Variants in GBF1 observed in about 807,000 individuals in gnomAD.
GBF1 encodes Golgi-specific brefeldin A-resistance guanine nucleotide exchange factor 1.
A neutral mutation model predicts 210.5 loss-of-function variants in GBF1; 114 were observed. That is an observed-to-expected ratio of 0.54 (90% CI 0.47 to 0.63). The LOEUF (loss-of-function observed/expected upper bound fraction) is 0.63. Among genes scored for constraint, GBF1 ranks in the 30% least tolerant of loss-of-function variants. GBF1 has a pLI of 0.00. For missense variants in GBF1, 1,851 were observed against 2,357.7 expected, an observed-to-expected ratio of 0.79 and a Z score of 4.45; for synonymous variants, 850 against 889.2, an observed-to-expected ratio of 0.96 and a Z score of 0.78.
In GBF1 at chr10:102,247,586, A is replaced by G. The variant is rs546153126; in HGVS notation, c.-11+1805A>G. On this transcript the variant is annotated intron_variant, in intron 1 of 39. Coordinates refer to ENST00000369983, the MANE Select transcript of GBF1 (RefSeq NM_001377137.1). The stretch of plus-strand genomic sequence containing the variant: ...AGTGTGATCAATCCAGGATCCAGTC[A>G]TCCTCAGTTGAGCCTAAGGGTGACT... 2.0e-5 allele frequency among the ~76,000 whole-genome samples: 3 copies of G among 152,280 alleles called. No individual in the cohort carries two copies. In the East Asian group the frequency reaches 5.8e-4, roughly 29 times the overall value.
intron 3 of GBF1, among the ~76,000 whole-genome samples, chr10:102,322,632 A>G (rs951758989): frequency 1.1e-4 from 16 of 147,764 alleles, no homozygotes; most frequent in African/African-American, 4.0e-4. Context: ...CTGTAATTCT[A>G]GCACTTTGGG....
intron 3 of GBF1, among the ~76,000 whole-genome samples, chr10:102,331,955 G>A (rs1035770612): frequency 7.4e-5 from 11 of 149,122 alleles, no homozygotes; most frequent in Admixed American, 2.8e-4. Flanking sequence ...TGCCTCCTGG[G>A]TTCAAGCGAT....
chr10:102,240,914 C>G (rs1161157541), upstream of GBF1, among the ~76,000 whole-genome samples: 4 of 152,206 alleles, frequency 2.6e-5, no homozygotes, highest in Non-Finnish European at 5.9e-5. Flanking sequence ...CGAGGGGCAT[C>G]GGGCGCCGTC....
At chr10:102,345,646 C>CAAAAA (rs59037566) in intron 4 of GBF1, among the ~76,000 whole-genome samples, 2 of 17,980 alleles carry the variant, frequency 1.1e-4, no homozygotes, top group Non-Finnish European at 2.6e-4. Context: ...GACTCCGTCT[C>CAAAAA]AAAAAAAAAA....
intron 3 of GBF1, among the ~76,000 whole-genome samples, chr10:102,333,865 A>G (rs1177520128): frequency 6.6e-6 from 1 of 152,220 alleles, no homozygotes; most frequent in Non-Finnish European, 1.5e-5. Flanking sequence ...GGTGTACAGC[A>G]TAGTCAGAAA....
At chr10:102,319,689 C>T (rs1349554063) in intron 3 of GBF1, among the ~76,000 whole-genome samples, 2 of 150,458 alleles carry the variant, frequency 1.3e-5, no homozygotes, top group African/African-American at 2.4e-5. Context: ...CTTGTTTATG[C>T]TATGTCCATT....
In GBF1 at chr10:102,368,803, C is replaced by T; in HGVS notation, c.2944C>T (p.Leu982=). The T allele has an allele frequency of 6.2e-7, 1 of 1,612,458 alleles. No homozygotes were observed. Among genetic ancestry groups the T allele is most frequent in the South Asian group, 1.1e-5 (1 of 91,060 alleles). Residue 982 remains leucine, a synonymous_variant, in exon 23 of 40, where the codon CTA becomes TTA. Transcript: ENST00000369983. The stretch of plus-strand genomic sequence containing the variant: ...TGTGTTTGACAATCTCATCATCTCT[C>T]TATGCAAATTCACAGCTCTCAGCAG... The part of the protein sequence containing the change: ...SDVFDNLIIS[L]CKFTALSSES...
intron 3 of GBF1, among the ~76,000 whole-genome samples, chr10:102,287,344 CTTTTTTTTTTTT>C (rs763880492): frequency 4.7e-4 from 33 of 69,522 alleles, no homozygotes; most frequent in African/African-American, 1.0e-3. Context: ...ATTTTATTTT[CTTTTTTTTTTTT>C]TTTTTTTTTT....
chr10:102,359,522 T>C (rs2059474129), intron 11 of GBF1, 87 bp downstream of exon 11: 10 of 922,668 alleles, frequency 1.1e-5, no homozygotes, highest in South Asian at 1.4e-5. Context: ...AACCAAGATA[T>C]TGGACTACTG....
chr10:102,293,894 C>T (rs2076688777), intron 3 of GBF1, among the ~76,000 whole-genome samples: 1 of 150,584 alleles, frequency 6.6e-6, no homozygotes, highest in African/African-American at 2.4e-5. Context: ...TCTCCTGCCT[C>T]AGCTTCCCGA....
rs554360463 is a variant in GBF1 at position 102,303,796 on chromosome 10, A to G, written c.164-40255A>G. Among the ~76,000 whole-genome samples, 56 of 152,288 alleles carry G rather than the reference A, an allele frequency of 3.7e-4. No homozygotes were observed. The South Asian group carries it at 0.011, about 30-fold the overall frequency. On this transcript the variant is annotated intron_variant, in intron 3 of 39. Coordinates refer to ENST00000369983, the MANE Select transcript of GBF1 (RefSeq NM_001377137.1). ...ATAAATCTCAATATACAAAGCAGGT[A>G]CCCTCTCAGTACTTACTTTTTCAAA... is the stretch of plus-strand genomic sequence containing the variant.
rs2060886857 is a variant in GBF1, at chr10:102,381,969, G to A, written c.5303-87G>A. The A allele has an allele frequency of 6.8e-6, 8 of 1,179,262 alleles. No homozygotes were observed. In the South Asian group the frequency reaches 1.1e-4, roughly 16 times the overall value. The allele number at this position is 1,179,262 out of a possible 1,614,324, so 73.0% of individuals were successfully genotyped here. On this transcript the variant is annotated intron_variant, in intron 39 of 39. Transcript: ENST00000369983. The stretch of plus-strand genomic sequence containing the variant: ...GCTTACTGGAACAAGGAGGAACAGA[G>A]ACTCTATAAGCAGCCAGCTGGGCAA...
intron 3 of GBF1, among the ~76,000 whole-genome samples, chr10:102,328,924 T>C (rs1365792209): frequency 6.6e-6 from 1 of 152,226 alleles, no homozygotes; most frequent in Non-Finnish European, 1.5e-5. Flanking sequence ...AAAAAGCTGC[T>C]CCAAGTGTAA....
chr10:102,242,929 A>AAAAAAAAAAAAAAAAAAAAAAC (rs2070577728), upstream of GBF1, among the ~76,000 whole-genome samples: 1 of 5,980 alleles, frequency 1.7e-4, no homozygotes. Context: ...ACTCTGTCTC[A>AAAAAAAAAAAAAAAAAAAAAAC]AAAAAAAAAA....
At chr10:102,340,516 G>A (rs2058109603) in intron 3 of GBF1, among the ~76,000 whole-genome samples, 1 of 150,444 alleles carries the variant, frequency 6.6e-6, no homozygotes, top group Non-Finnish European at 1.5e-5. Context: ...CTTGTGATCC[G>A]CCTGCCTCGG....
At chr10:102,273,035 A>G (rs2074593028) in intron 3 of GBF1, among the ~76,000 whole-genome samples, 1 of 152,228 alleles carries the variant, frequency 6.6e-6, no homozygotes, top group Non-Finnish European at 1.5e-5. Flanking sequence ...GGAAAAAAGA[A>G]TAGAATAGAA....
chr10:102,360,106 G>A, intron 11 of GBF1, 78 bp from the exon 12 acceptor site: 7 of 887,834 alleles, frequency 7.9e-6, no homozygotes, highest in Non-Finnish European at 1.3e-5. Flanking sequence ...ATTGCCTTGT[G>A]TAATGCAGAG....
At chr10:102,301,146 G>T (rs1166741281) in intron 3 of GBF1, among the ~76,000 whole-genome samples, 2 of 152,080 alleles carry the variant, frequency 1.3e-5, no homozygotes, top group African/African-American at 2.4e-5. Context: ...CAGTGTTTGT[G>T]TCCCTGGGTA....
chr10:102,274,699 ATTTTTTTTT>A lies in GBF1; in HGVS notation c.163+14605_163+14613del, dbSNP rs1174743189. ...TGAAGTCTACAGGTGCAAAACAAAGATTTTTTTTTTTTTTTTTTTTTTTTTTTTTTGAGA... is the reference window on the plus strand; with the variant it reads ...TGAAGTCTACAGGTGCAAAACAAAGATTTTTTTTTTTTTTTTTTTTTGAGA... On this transcript the variant is annotated intron_variant, in intron 3 of 39. Coordinates refer to ENST00000369983, the MANE Select transcript of GBF1 (RefSeq NM_001377137.1). 2.7e-3 allele frequency among the ~76,000 whole-genome samples: 192 copies of A among 71,742 alleles called. 1 individual carries two copies. The highest frequency in any genetic ancestry group is 0.013 in the South Asian group (22 of 1,650). 47.1% of individuals were successfully genotyped at this position (71,742 alleles called of 152,430 possible).
Sources: gnomAD v4.1 joint callset for allele counts (sites outside exome capture counted in the v4.1 genomes callset) on GRCh38, gnomAD v4.1.1 for gene constraint, MANE v1.5 for transcripts, NCBI Gene and HGNC (gene_info 2026-07-23, HGNC 2026-07-21) for gene names.